The following R3HDM2 variants were observed in gnomAD, a reference collection of about 807,000 sequenced individuals.
R3HDM2 encodes R3H domain-containing protein 2.
R3HDM2 carries 38 observed loss-of-function variants against 124.5 expected under a neutral mutation model. The observed-to-expected ratio is 0.31, with a 90% confidence interval of 0.24 to 0.40. The LOEUF (loss-of-function observed/expected upper bound fraction) is 0.40. Among genes scored for constraint, R3HDM2 ranks in the 10% least tolerant of loss-of-function variants. R3HDM2 has a pLI of 1.00. For synonymous variants in R3HDM2, 391 were observed against 448.0 expected (o/e 0.87, Z 1.61); for missense variants, 869 against 1,236.9 (o/e 0.70, Z 4.46).
intron 1 of R3HDM2, 67 bp downstream of exon 1, chr12:57,430,653 G>A: frequency 1.1e-6 from 1 of 928,258 alleles, no homozygotes; most frequent in Non-Finnish European, 1.3e-6. Context: ...CCGCCCGTGC[G>A]GCCGCCACGC....
intron 2 of R3HDM2, among the ~76,000 whole-genome samples, chr12:57,374,360 G>A (rs1310988769): frequency 6.6e-6 from 1 of 151,516 alleles, no homozygotes; most frequent in Non-Finnish European, 1.5e-5. Flanking sequence ...TGGCTGGACA[G>A]TCAATCATAA....
chr12:57,263,144 A>G (rs1332144431), intron 19 of R3HDM2, among the ~76,000 whole-genome samples: 1 of 152,216 alleles, frequency 6.6e-6, no homozygotes, highest in African/African-American at 2.4e-5. Context: ...TTTATGGTTC[A>G]AAGATCTTGC....
intron 1 of R3HDM2, among the ~76,000 whole-genome samples, chr12:57,421,258 T>A (rs1386597845): frequency 6.8e-6 from 1 of 147,208 alleles, no homozygotes; most frequent in African/African-American, 2.5e-5. Context: ...TTCAAGCAAT[T>A]CTCCTGCCTC....
chr12:57,261,448 C>T (rs2040784279), intron 19 of R3HDM2, among the ~76,000 whole-genome samples: 1 of 152,096 alleles, frequency 6.6e-6, no homozygotes, highest in African/African-American at 2.4e-5. Flanking sequence ...AGTGGAAGCT[C>T]TAATACCAGC....
intron 2 of R3HDM2, among the ~76,000 whole-genome samples, chr12:57,356,919 A>G (rs2061360928): frequency 2.6e-5 from 4 of 151,270 alleles, no homozygotes; most frequent in African/African-American, 9.7e-5. Flanking sequence ...CATCCTGGGT[A>G]ACACGGTGAA....
intron 2 of R3HDM2, among the ~76,000 whole-genome samples, chr12:57,390,629 C>T (rs139083775): frequency 0.013 from 1,950 of 151,924 alleles, 44 homozygotes; most frequent in African/African-American, 0.045. Flanking sequence ...CCCAGGAGTT[C>T]GAGGCTGCAG....
At chr12:57,324,355 G>A (rs1309455820) in intron 2 of R3HDM2, among the ~76,000 whole-genome samples, 1 of 152,022 alleles carries the variant, frequency 6.6e-6, no homozygotes, top group African/African-American at 2.4e-5. Context: ...GGCTAATTTT[G>A]TATTTTTAGT....
rs185589971 is a variant in R3HDM2, at chr12:57,423,681, G to A, written c.-106+7039C>T. 2.5e-3 allele frequency among the ~76,000 whole-genome samples: 373 copies of A among 149,774 alleles called. 3 individuals carry two copies. Among genetic ancestry groups the A allele is most frequent in the African/African-American group, 4.2e-3 (169 of 40,710 alleles). The stretch of plus-strand genomic sequence containing the variant: ...ACAAAAATTAGCCAGACGTGGTGGC[G>A]GGCACCTGTAATCCCAGCTACTCGG... On this transcript the variant is annotated intron_variant, in intron 1 of 23. Coordinates refer to ENST00000402412, the MANE Select transcript of R3HDM2 (RefSeq NM_001394031.1).
At chr12:57,346,155 C>G (rs2060065842) in intron 2 of R3HDM2, among the ~76,000 whole-genome samples, 1 of 123,788 alleles carries the variant, frequency 8.1e-6, no homozygotes, top group African/African-American at 3.4e-5. Context: ...AAAACTCCGT[C>G]TCAAAAAAAA....
intron 2 of R3HDM2, among the ~76,000 whole-genome samples, chr12:57,348,250 C>CTCG (rs1278567125): frequency 6.6e-6 from 1 of 151,904 alleles, no homozygotes; most frequent in Admixed American, 6.6e-5. Context: ...ATGGCGAGAC[C>CTCG]TCGTCTCCCT....
At chr12:57,366,669 A>G (rs1201826163) in intron 2 of R3HDM2, among the ~76,000 whole-genome samples, 1 of 151,838 alleles carries the variant, frequency 6.6e-6, no homozygotes, top group Non-Finnish European at 1.5e-5. Context: ...TCCTTTAACT[A>G]ATTTTGGGCT....
At chr12:57,419,739 G>A (rs2070006304) in intron 1 of R3HDM2, among the ~76,000 whole-genome samples, 1 of 151,972 alleles carries the variant, frequency 6.6e-6, no homozygotes, top group Non-Finnish European at 1.5e-5. Flanking sequence ...ACCGTGCCCA[G>A]CCTCATACCA....
chr12:57,373,022 A>C (rs904670541), intron 2 of R3HDM2, among the ~76,000 whole-genome samples: 4 of 152,174 alleles, frequency 2.6e-5, no homozygotes, highest in Non-Finnish European at 5.9e-5. Flanking sequence ...TAGCCTGGGC[A>C]ATGTAGTGAG....
chr12:57,410,818 A>G (rs1040086197), intron 1 of R3HDM2, among the ~76,000 whole-genome samples: 3 of 152,212 alleles, frequency 2.0e-5, no homozygotes, highest in Non-Finnish European at 4.4e-5. Context: ...GCACCACTGT[A>G]TTACAGCCTG....
intron 2 of R3HDM2, among the ~76,000 whole-genome samples, chr12:57,385,742 G>C (rs1444234964): frequency 6.6e-6 from 1 of 152,118 alleles, no homozygotes; most frequent in Non-Finnish European, 1.5e-5. Context: ...TAATGACTGG[G>C]AGAGAAGACA....
At chr12:57,256,273 G>C (rs2038974535) in intron 22 of R3HDM2, 141 bp downstream of exon 22, 1 of 877,258 alleles carries the variant, frequency 1.1e-6, no homozygotes, top group South Asian at 1.7e-5. Context: ...GGAGACATGA[G>C]TATAGGAGGT....
intron 14 of R3HDM2, among the ~76,000 whole-genome samples, chr12:57,271,542 G>A (rs2043596787): frequency 6.6e-6 from 1 of 152,084 alleles, no homozygotes; most frequent in South Asian, 2.1e-4. Flanking sequence ...CTTCAAGTTA[G>A]CTGTTTTGCT....
chr12:57,303,812 GA>G (rs954600890), intron 3 of R3HDM2, among the ~76,000 whole-genome samples: 3 of 149,732 alleles, frequency 2.0e-5, no homozygotes, highest in African/African-American at 7.4e-5. Flanking sequence ...CCATTAAAAA[GA>G]AAAAAAAAGA....
chr12:57,386,638 G>A (rs1450548532), intron 2 of R3HDM2, among the ~76,000 whole-genome samples: 1 of 152,242 alleles, frequency 6.6e-6, no homozygotes, highest in Non-Finnish European at 1.5e-5. Context: ...GACAGCCTAA[G>A]GGCTGAGCAG....
Sources: allele counts gnomAD v4.1 joint callset (sites outside exome capture counted in the v4.1 genomes callset), GRCh38; gene constraint gnomAD v4.1.1; transcripts MANE v1.5; gene names NCBI Gene and HGNC (gene_info 2026-07-23, HGNC 2026-07-21).